NAA16: variants seen among roughly 807,000 people sequenced by gnomAD.
NAA16 encodes the protein NARG1-like protein.
A neutral mutation model predicts 110.3 loss-of-function variants in NAA16; 97 were observed. That is an observed-to-expected ratio of 0.88 (90% CI 0.75 to 1.04). The LOEUF (loss-of-function observed/expected upper bound fraction) is 1.04, where lower values mean the gene tolerates loss of function less well. NAA16 is among the 50% of genes least tolerant of loss of function. The pLI, the probability that NAA16 is intolerant of heterozygous loss-of-function variation, is 0.00. For missense variants in NAA16, 1,017 were observed against 1,005.1 expected (o/e 1.01, Z -0.16); for synonymous variants, 372 against 330.6 (o/e 1.13, Z -1.36).
intron 11 of NAA16, 110 bp downstream of exon 11, chr13:41,358,583 T>C: frequency 6.7e-7 from 1 of 1,495,608 alleles, no homozygotes; most frequent in Admixed American, 2.4e-5. Flanking sequence ...ATAATCTTTT[T>C]CTAATAATCC....
chr13:41,365,666 A>G (rs1006212618), intron 13 of NAA16, among the ~76,000 whole-genome samples: 2 of 152,210 alleles, frequency 1.3e-5, no homozygotes, highest in African/African-American at 4.8e-5. Flanking sequence ...CAGTGCTTTC[A>G]GTGGAAAAAC....
chr13:41,362,281 T>A (rs2043128350), intron 13 of NAA16, 122 bp downstream of exon 13: 6 of 1,041,244 alleles, frequency 5.8e-6, no homozygotes, highest in Non-Finnish European at 8.1e-6. Context: ...AAAAAATTCT[T>A]GATCTTTAAC....
intron 1 of NAA16, among the ~76,000 whole-genome samples, chr13:41,315,521 C>G (rs1389253486): frequency 1.3e-5 from 2 of 152,154 alleles, no homozygotes; most frequent in South Asian, 2.1e-4. Flanking sequence ...AGCTTATAAA[C>G]AAGTTTTTGA....
intron 8 of NAA16, 140 bp downstream of exon 8, chr13:41,331,509 A>G: frequency 3.9e-6 from 2 of 516,582 alleles, no homozygotes; most frequent in Non-Finnish European, 3.5e-6. Context: ...ATGAGTTTAT[A>G]TGTTAAGAGT....
At chr13:41,372,624 TATAAAAAAGG>T in intron 16 of NAA16, 98 bp from the exon 17 acceptor site, 1 of 1,334,960 alleles carries the variant, frequency 7.5e-7, no homozygotes, top group Non-Finnish European at 9.6e-7. Context: ...TTACGAGTGT[TATAAAAAAGG>T]TAGCATTTTG....
At chr13:41,318,989 T>C in intron 3 of NAA16, 79 bp downstream of exon 3, 1 of 719,658 alleles carries the variant, frequency 1.4e-6, no homozygotes, top group Non-Finnish European at 2.2e-6. Context: ...ACTATGAAAA[T>C]TCCAAACCTA....
At chr13:41,327,328 T>A (rs1720466129) in intron 6 of NAA16, among the ~76,000 whole-genome samples, 1 of 152,168 alleles carries the variant, frequency 6.6e-6, no homozygotes, top group African/African-American at 2.4e-5. Flanking sequence ...ATTATTTTCC[T>A]TTCTGAAATA....
At chr13:41,373,279 A>G (rs1694305561) in intron 17 of NAA16, 3 of 649,326 alleles carry the variant, frequency 4.6e-6, no homozygotes, top group African/African-American at 2.0e-5. Context: ...TTTTTTTTTG[A>G]GACAGTCTTG....
chr13:41,367,264 A>G lies in NAA16; in HGVS notation c.1540-175A>G, dbSNP rs150117159. On this transcript the variant is annotated intron_variant, in intron 13 of 19. Transcript: ENST00000379406. ...ATGGTTTGTAGGAAGAGAAAGTTCAAGTTGAATGCCAAAAATAATTCATAT... is the reference window on the plus strand; with the variant it reads ...ATGGTTTGTAGGAAGAGAAAGTTCAGGTTGAATGCCAAAAATAATTCATAT... Among the ~76,000 whole-genome samples, 13 of 152,316 alleles carry G rather than the reference A, an allele frequency of 8.5e-5. 1 individual carries two copies. The East Asian group carries it at 1.5e-3, about 18-fold the overall frequency.
chr13:41,319,537 G>A (rs1272038023), intron 3 of NAA16, among the ~76,000 whole-genome samples: 2 of 151,778 alleles, frequency 1.3e-5, no homozygotes, highest in African/African-American at 4.8e-5. Flanking sequence ...TTTTTGGGGG[G>A]AGGGAGTCTC....
At chr13:41,318,040 A>G (rs12854191) in intron 2 of NAA16, among the ~76,000 whole-genome samples, 3,198 of 152,284 alleles carry the variant, frequency 0.021, 63 homozygotes, top group South Asian at 0.084. Context: ...TATTGAATAA[A>G]GTGATTAGTG....
chr13:41,356,584 C>T (rs1444034565), intron 10 of NAA16, among the ~76,000 whole-genome samples: 2 of 152,156 alleles, frequency 1.3e-5, no homozygotes, highest in Non-Finnish European at 2.9e-5. Context: ...ACATTTCCCC[C>T]ATTATCCAAA....
chr13:41,369,215 AAAAG>A lies in NAA16; in HGVS notation c.1881_1884del (p.Arg628MetfsTer19), dbSNP rs762254012. 2.2e-5 allele frequency: 35 copies of A among 1,597,666 alleles called. No homozygotes were observed. The highest frequency in any genetic ancestry group is 2.7e-5 in the African/African-American group (2 of 73,594). The stretch of plus-strand genomic sequence containing the variant: ...ACGTCAACAGAAAAATCAAAAGAAA[AAAAG>A]AGATGAAGAAGAAGAAGAAGCCAGT... On this transcript the variant is annotated frameshift_variant, in exon 15 of 20. Coordinates refer to ENST00000379406, the MANE Select transcript of NAA16 (RefSeq NM_024561.5). LOFTEE classifies it high-confidence loss of function.
intron 12 of NAA16, among the ~76,000 whole-genome samples, chr13:41,360,398 A>G (rs1384528649): frequency 6.6e-6 from 1 of 152,180 alleles, no homozygotes; most frequent in Non-Finnish European, 1.5e-5. Context: ...AATTCTGATA[A>G]GCGATACTAA....
chr13:41,334,981 C>T (rs910204932), intron 8 of NAA16, among the ~76,000 whole-genome samples: 8 of 152,148 alleles, frequency 5.3e-5, no homozygotes, highest in Non-Finnish European at 7.3e-5. Flanking sequence ...GTTTTCTTTT[C>T]ACTTAACCTC....
At chr13:41,373,027 T>C (rs908193938) in intron 17 of NAA16, 197 bp downstream of exon 17, 1 of 789,682 alleles carries the variant, frequency 1.3e-6, no homozygotes. Context: ...GAAGCAAATA[T>C]AAGTTGTCTT....
intron 4 of NAA16, among the ~76,000 whole-genome samples, 194 bp from the exon 5 acceptor site, chr13:41,322,862 C>G (rs554758961): frequency 2.3e-4 from 35 of 152,156 alleles, no homozygotes; most frequent in Non-Finnish European, 4.6e-4. Flanking sequence ...ATGACAGCCT[C>G]ACAGTGAGTA....
intron 9 of NAA16, among the ~76,000 whole-genome samples, chr13:41,343,466 G>A (rs1416172148): frequency 1.3e-5 from 2 of 152,058 alleles, no homozygotes; most frequent in East Asian, 3.9e-4. Context: ...CTATGCAGCT[G>A]TAGTCATTTT....
At chr13:41,332,615 A>G (rs1245565089) in intron 8 of NAA16, among the ~76,000 whole-genome samples, 1 of 152,172 alleles carries the variant, frequency 6.6e-6, no homozygotes, top group Admixed American at 6.5e-5. Context: ...TATGAATTGT[A>G]TATTGGGACT....
Sources: gnomAD v4.1 joint callset for allele counts (sites outside exome capture counted in the v4.1 genomes callset) on GRCh38, gnomAD v4.1.1 for gene constraint, MANE v1.5 for transcripts, NCBI Gene and HGNC (gene_info 2026-07-23, HGNC 2026-07-21) for gene names.